Variants in SNAP25 observed in about 807,000 individuals in gnomAD.
SNAP25 encodes synaptosome associated protein 25, also known as synaptosomal-associated protein 25.
A neutral mutation model predicts 28.7 loss-of-function variants in SNAP25; 3 were observed. That is an observed-to-expected ratio of 0.10 (90% CI 0.05 to 0.27). The LOEUF is 0.27. Among genes scored for constraint, SNAP25 ranks in the 10% least tolerant of loss-of-function variants. SNAP25 has a pLI of 1.00. For missense variants in SNAP25, 117 were observed against 278.7 expected (o/e 0.42, Z 4.13); for synonymous variants, 61 against 88.1 (o/e 0.69, Z 1.72).
chr20:10,266,809 C>T (rs2063514348), intron 1 of SNAP25, among the ~76,000 whole-genome samples: 1 of 152,150 alleles, frequency 6.6e-6, no homozygotes, highest in Non-Finnish European at 1.5e-5. Flanking sequence ...ATGGAACGAA[C>T]TCACTGTTGA....
chr20:10,297,268 G>A (rs1424455132), intron 6 of SNAP25, among the ~76,000 whole-genome samples: 3 of 152,170 alleles, frequency 2.0e-5, no homozygotes, highest in African/African-American at 7.2e-5. Flanking sequence ...TGTTGGTGGG[G>A]CATGTCTGTT....
chr20:10,261,845 G>C (rs1159140010), intron 1 of SNAP25, among the ~76,000 whole-genome samples: 1 of 152,156 alleles, frequency 6.6e-6, no homozygotes, highest in African/African-American at 2.4e-5. Flanking sequence ...CCTGGCCAGA[G>C]TTGTCTTCAC....
chr20:10,250,467 A>G (rs985214737), intron 1 of SNAP25, among the ~76,000 whole-genome samples: 4 of 152,210 alleles, frequency 2.6e-5, no homozygotes, highest in African/African-American at 9.7e-5. Context: ...CACCCAAATG[A>G]TCACAAGTGG....
chr20:10,252,327 T>G (rs1568590063), intron 1 of SNAP25, among the ~76,000 whole-genome samples: 1 of 152,212 alleles, frequency 6.6e-6, no homozygotes, highest in Non-Finnish European at 1.5e-5. Context: ...TTAAAAAAAT[T>G]TGTTTAATTG....
chr20:10,284,170 G>A (rs2063831579), intron 3 of SNAP25, among the ~76,000 whole-genome samples: 1 of 152,046 alleles, frequency 6.6e-6, no homozygotes, highest in South Asian at 2.1e-4. Context: ...GAGAGAGTGA[G>A]TTTCCTTTTG....
chr20:10,266,518 T>C (rs557450308), intron 1 of SNAP25, among the ~76,000 whole-genome samples: 3 of 152,360 alleles, frequency 2.0e-5, no homozygotes, highest in East Asian at 1.9e-4. Flanking sequence ...ATGACTTAGA[T>C]GCTTAGATGC....
chr20:10,303,717 G>T (rs1334969172), intron 7 of SNAP25, among the ~76,000 whole-genome samples: 5 of 152,252 alleles, frequency 3.3e-5, no homozygotes, highest in East Asian at 1.9e-4. Flanking sequence ...TAGAATCGTT[G>T]TCTTCACCTC....
Position 10,287,663 on chromosome 20 carries a change from A to G in SNAP25, c.163+2891A>G, listed in dbSNP as rs1362583973. Reference sequence around the variant, plus strand: ...ACCCAGCCGTCCCATTACTGGGTATATACCCAAAGGACTATAAATCATGCT... The same window carrying G: ...ACCCAGCCGTCCCATTACTGGGTATGTACCCAAAGGACTATAAATCATGCT... On this transcript the variant is annotated intron_variant, in intron 4 of 7. Transcript: ENST00000254976. Among the ~76,000 whole-genome samples, 3 of 148,796 alleles carry G rather than the reference A, an allele frequency of 2.0e-5. No individual in the cohort carries two copies. In the East Asian group the frequency reaches 5.8e-4, roughly 29 times the overall value.
chr20:10,219,283 G>A (rs1223914228), intron 1 of SNAP25: 3 of 152,252 alleles, frequency 2.0e-5, no homozygotes, highest in Non-Finnish European at 4.4e-5. Context: ...ATTTTGCGAT[G>A]CAGTTTTCAG....
intron 1 of SNAP25, among the ~76,000 whole-genome samples, chr20:10,221,433 CG>C (rs1357400234): frequency 1.3e-5 from 2 of 152,070 alleles, no homozygotes; most frequent in African/African-American, 4.8e-5. Flanking sequence ...GAAAAAAAAT[CG>C]AGAAATTTCC....
intron 3 of SNAP25, among the ~76,000 whole-genome samples, chr20:10,282,705 G>T (rs191523259): frequency 1.3e-5 from 2 of 152,242 alleles, no homozygotes; most frequent in East Asian, 3.9e-4. Flanking sequence ...TGGCCTGATT[G>T]GGCCCTCGAG....
intron 6 of SNAP25, among the ~76,000 whole-genome samples, chr20:10,298,427 A>AT (rs548740994): frequency 8.2e-4 from 125 of 152,258 alleles, no homozygotes; most frequent in African/African-American, 2.7e-3. Context: ...CCTTCTGAAT[A>AT]TTTTTTAGCT....
rs1384606905 is a variant in SNAP25, at chr20:10,283,808, TA to T, written c.115-915del. Among the ~76,000 whole-genome samples, 15 of 152,308 alleles carry T rather than the reference TA, an allele frequency of 9.8e-5. No homozygotes were observed. The South Asian group carries it at 1.0e-3, about 11-fold the overall frequency. On this transcript the variant is annotated intron_variant, in intron 3 of 7. Transcript: ENST00000254976. ...ATCCAAACTATAAGCAATGCCATTT[TA>T]TACCCATTAACAGTCGCCCTGTAAA...
chr20:10,299,011 T>G (rs2064173590), intron 6 of SNAP25, among the ~76,000 whole-genome samples: 1 of 152,196 alleles, frequency 6.6e-6, no homozygotes. Flanking sequence ...AACAACATAA[T>G]GGAAGGAGTG....
intron 1 of SNAP25, among the ~76,000 whole-genome samples, chr20:10,259,149 A>G (rs78688140): frequency 0.026 from 4,020 of 152,222 alleles, 176 homozygotes; most frequent in African/African-American, 0.092. Flanking sequence ...ATGGCAGAAT[A>G]TATATATATT....
At chr20:10,241,568 G>A (rs761374251) in intron 1 of SNAP25, among the ~76,000 whole-genome samples, 2 of 152,072 alleles carry the variant, frequency 1.3e-5, no homozygotes, top group African/African-American at 2.4e-5. Flanking sequence ...CTAAGTAAGA[G>A]ATTGAAATAG....
intron 1 of SNAP25, among the ~76,000 whole-genome samples, chr20:10,257,720 A>G (rs1383959908): frequency 6.6e-6 from 1 of 150,666 alleles, no homozygotes; most frequent in Non-Finnish European, 1.5e-5. Context: ...TCAAAAACAA[A>G]ACAAAACAAA....
intron 6 of SNAP25, among the ~76,000 whole-genome samples, chr20:10,297,252 TGG>T (rs886265126): frequency 6.6e-6 from 1 of 152,206 alleles, no homozygotes; most frequent in African/African-American, 2.4e-5. Flanking sequence ...GGTGGTTGGC[TGG>T]GGCTGTTGGT....
At chr20:10,300,816 G>T (rs2064218414) in intron 7 of SNAP25, among the ~76,000 whole-genome samples, 1 of 152,044 alleles carries the variant, frequency 6.6e-6, no homozygotes, top group South Asian at 2.1e-4. Context: ...TGTTAAGAAG[G>T]CTTTCATATG....
Sources: allele counts gnomAD v4.1 joint callset (sites outside exome capture counted in the v4.1 genomes callset), GRCh38; gene constraint gnomAD v4.1.1; transcripts MANE v1.5; gene names NCBI Gene and HGNC (gene_info 2026-07-23, HGNC 2026-07-21).